Variants in SEMA5A observed in about 807,000 individuals in gnomAD.
The protein encoded by SEMA5A is semaphorin-5A.
Under a neutral mutation model 135.5 loss-of-function variants are expected in SEMA5A, and 55 were observed. That is an observed-to-expected ratio of 0.41 (90% confidence interval 0.33 to 0.51). The LOEUF is 0.51. Among genes scored for constraint, SEMA5A ranks in the 20% least tolerant of loss-of-function variants. The probability of loss-of-function intolerance (pLI) is 0.37; values close to 1 mark genes in which losing one functional copy is unlikely to be tolerated. For missense variants in SEMA5A, 1,290 were observed against 1,419.9 expected, an observed-to-expected ratio of 0.91 and a Z score of 1.47; for synonymous variants, 580 against 546.5, an observed-to-expected ratio of 1.06 and a Z score of -0.85.
At chr5:9,187,721 C>A (rs1744884098) in intron 11 of SEMA5A, among the ~76,000 whole-genome samples, 1 of 152,094 alleles carries the variant, frequency 6.6e-6, no homozygotes, top group Admixed American at 6.5e-5. Flanking sequence ...AAAGAAAAGC[C>A]AAAAATCAGG....
chr5:9,191,047 G>T lies in SEMA5A; in HGVS notation c.1069-576C>A, dbSNP rs545664790. Among the ~76,000 whole-genome samples, 10 of 152,172 alleles carry T rather than the reference G, an allele frequency of 6.6e-5. No homozygotes were observed. The East Asian group carries it at 1.7e-3, about 27-fold the overall frequency. ...TTTCTACTTGTATTTCCAATTAGAA[G>T]AAATTATTAAAAAATGTTTAGAGTC... On this transcript the variant is annotated intron_variant, in intron 10 of 22. Coordinates refer to ENST00000382496, the MANE Select transcript of SEMA5A (RefSeq NM_003966.3).
chr5:9,363,723 A>G (rs1754798405), intron 3 of SEMA5A, among the ~76,000 whole-genome samples: 1 of 152,226 alleles, frequency 6.6e-6, no homozygotes, highest in Non-Finnish European at 1.5e-5. Flanking sequence ...AAAACATACC[A>G]CAGATGGAAT....
intron 2 of SEMA5A, among the ~76,000 whole-genome samples, chr5:9,416,923 A>C (rs1419641368): frequency 6.6e-6 from 1 of 152,250 alleles, no homozygotes; most frequent in Non-Finnish European, 1.5e-5. Context: ...ACTCTGCTTT[A>C]CACTGAAAAA....
At chr5:9,385,649 A>G (rs1755852465) in intron 2 of SEMA5A, among the ~76,000 whole-genome samples, 1 of 152,146 alleles carries the variant, frequency 6.6e-6, no homozygotes, top group African/African-American at 2.4e-5. Context: ...GTCCTGTCCC[A>G]TGCATGCCAC....
chr5:9,083,586 T>TCATCCATCCATCCATC (rs60509063), intron 16 of SEMA5A, among the ~76,000 whole-genome samples: 1 of 44,970 alleles, frequency 2.2e-5, no homozygotes, highest in Non-Finnish European at 7.1e-5. Context: ...ATTCATCCAT[T>TCATCCATCCATCCATC]CATCCATCCA....
chr5:9,394,228 C>T (rs1275564572), intron 2 of SEMA5A, among the ~76,000 whole-genome samples: 1 of 152,134 alleles, frequency 6.6e-6, no homozygotes. Context: ...TTCCCACTTC[C>T]ACCCTTCTGC....
chr5:9,276,459 C>T (rs1486986940), intron 5 of SEMA5A, among the ~76,000 whole-genome samples: 1 of 152,170 alleles, frequency 6.6e-6, no homozygotes, highest in Non-Finnish European at 1.5e-5. Flanking sequence ...GAAAAATCTA[C>T]TTTAAATTTC....
At chr5:9,107,674 T>C (rs888514113) in intron 16 of SEMA5A, among the ~76,000 whole-genome samples, 1 of 152,158 alleles carries the variant, frequency 6.6e-6, no homozygotes, top group African/African-American at 2.4e-5. Flanking sequence ...AAGTATTTTC[T>C]CCAGATATTC....
chr5:9,407,643 G>A (rs577964779), intron 2 of SEMA5A, among the ~76,000 whole-genome samples: 196 of 152,298 alleles, frequency 1.3e-3, no homozygotes, highest in African/African-American at 4.5e-3. Flanking sequence ...GTGTTCACCT[G>A]TGGAAGAGGG....
At chr5:9,265,115 G>A (rs1011699758) in intron 5 of SEMA5A, among the ~76,000 whole-genome samples, 10 of 152,160 alleles carry the variant, frequency 6.6e-5, no homozygotes, top group African/African-American at 1.9e-4. Context: ...TGAATGGTCT[G>A]TTGTGGATGA....
chr5:9,208,098 C>T (rs532717472), intron 8 of SEMA5A, among the ~76,000 whole-genome samples: 1 of 152,282 alleles, frequency 6.6e-6, no homozygotes, highest in Admixed American at 6.5e-5. Flanking sequence ...ACAACAACAT[C>T]CAACATACAG....
intron 7 of SEMA5A, among the ~76,000 whole-genome samples, chr5:9,225,568 CAAAA>C (rs3034595): frequency 1.8e-5 from 2 of 112,336 alleles, no homozygotes; most frequent in Non-Finnish European, 3.7e-5. Context: ...GACTCTGTCT[CAAAA>C]AAAAAAAAAA....
intron 4 of SEMA5A, among the ~76,000 whole-genome samples, chr5:9,325,946 A>T (rs989281309): frequency 6.6e-6 from 1 of 152,210 alleles, no homozygotes; most frequent in Non-Finnish European, 1.5e-5. Context: ...AAGCCGATAA[A>T]ATGTATAAAG....
At chr5:9,206,612 G>A (rs1374689637) in intron 8 of SEMA5A, among the ~76,000 whole-genome samples, 1 of 152,046 alleles carries the variant, frequency 6.6e-6, no homozygotes, top group Non-Finnish European at 1.5e-5. Context: ...TGATCATTGA[G>A]CAGATCTTTA....
intron 4 of SEMA5A, among the ~76,000 whole-genome samples, chr5:9,332,733 G>C (rs1753209688): frequency 6.6e-6 from 1 of 152,260 alleles, no homozygotes; most frequent in Non-Finnish European, 1.5e-5. Context: ...TGTGCAAGAA[G>C]ACTCATGCAT....
intron 6 of SEMA5A, 23 bp from the exon 7 acceptor site, chr5:9,226,990 ATT>A: frequency 8.0e-7 from 1 of 1,246,488 alleles, no homozygotes; most frequent in Non-Finnish European, 1.1e-6. Context: ...AAATAAATTA[ATT>A]AAAAATATAT....
intron 1 of SEMA5A, among the ~76,000 whole-genome samples, chr5:9,453,750 T>G (rs1758732299): frequency 6.6e-6 from 1 of 152,206 alleles, no homozygotes; most frequent in African/African-American, 2.4e-5. Context: ...ATTCAGTATT[T>G]GCAGTGACTT....
At chr5:9,093,306 T>A (rs1445660220) in intron 16 of SEMA5A, among the ~76,000 whole-genome samples, 1 of 152,230 alleles carries the variant, frequency 6.6e-6, no homozygotes, top group African/African-American at 2.4e-5. Flanking sequence ...AAAAATAATT[T>A]AAAACATGAT....
intron 1 of SEMA5A, among the ~76,000 whole-genome samples, chr5:9,538,370 A>C (rs1036930188): frequency 5.3e-5 from 8 of 152,094 alleles, no homozygotes; most frequent in Admixed American, 5.2e-4. Context: ...GGCTGTTAGA[A>C]GTTACCTGCC....
Sources: gnomAD v4.1 joint callset for allele counts (sites outside exome capture counted in the v4.1 genomes callset) on GRCh38, gnomAD v4.1.1 for gene constraint, MANE v1.5 for transcripts, NCBI Gene and HGNC (gene_info 2026-07-23, HGNC 2026-07-21) for gene names.